The following TMEM178B variants were observed in gnomAD, a reference collection of about 807,000 sequenced individuals.
TMEM178B encodes transmembrane protein 178B.
A neutral mutation model predicts 31.0 loss-of-function variants in TMEM178B; 5 were observed. That is an observed-to-expected ratio of 0.16 (90% CI 0.08 to 0.34). TMEM178B has a LOEUF of 0.34. Ranked by LOEUF, TMEM178B falls within the 10% of genes least tolerant of loss-of-function variation. The pLI is 1.00. For missense variants in TMEM178B, 275 were observed against 400.3 expected (o/e 0.69, Z 2.67); for synonymous variants, 164 against 164.0 (o/e 1.00, Z 0.00).
chr7:141,464,547 T>G (rs574327329), intron 3 of TMEM178B, among the ~76,000 whole-genome samples: 1 of 152,328 alleles, frequency 6.6e-6, no homozygotes, highest in South Asian at 2.1e-4. Flanking sequence ...AAAAGCTTTT[T>G]ATTTTAGATT....
intron 1 of TMEM178B, among the ~76,000 whole-genome samples, chr7:141,113,635 C>T (rs575281271): frequency 2.6e-5 from 4 of 152,292 alleles, no homozygotes; most frequent in South Asian, 2.1e-4. Flanking sequence ...GAGCTCCTTC[C>T]GTGCATCTGT....
chr7:141,361,145 G>A (rs1249913543), intron 2 of TMEM178B, among the ~76,000 whole-genome samples: 2 of 152,182 alleles, frequency 1.3e-5, no homozygotes, highest in Admixed American at 6.5e-5. Flanking sequence ...AAGCAGTCTG[G>A]TATTTCAAGA....
At chr7:141,324,062 C>T (rs890778121) in intron 2 of TMEM178B, among the ~76,000 whole-genome samples, 3 of 151,894 alleles carry the variant, frequency 2.0e-5, no homozygotes, top group Non-Finnish European at 4.4e-5. Flanking sequence ...GGTCAGTGAA[C>T]GTGCAATAGA....
At chr7:141,195,519 C>G (rs1796767730) in intron 1 of TMEM178B, among the ~76,000 whole-genome samples, 1 of 152,188 alleles carries the variant, frequency 6.6e-6, no homozygotes, top group Non-Finnish European at 1.5e-5. Flanking sequence ...CCTTATTGTT[C>G]ATATCACTAT....
At chr7:141,142,075 A>G (rs746305242) in intron 1 of TMEM178B, among the ~76,000 whole-genome samples, 4 of 152,106 alleles carry the variant, frequency 2.6e-5, no homozygotes, top group Non-Finnish European at 4.4e-5. Flanking sequence ...CCTGTCTCCA[A>G]TGTCTATTGT....
intron 1 of TMEM178B, among the ~76,000 whole-genome samples, chr7:141,086,993 T>C (rs2129171746): frequency 6.6e-6 from 1 of 152,286 alleles, no homozygotes; most frequent in East Asian, 1.9e-4. Context: ...TGGCCTGATA[T>C]TTTGTTTTTT....
chr7:141,172,031 A>G (rs986187641), intron 1 of TMEM178B, among the ~76,000 whole-genome samples: 1 of 152,146 alleles, frequency 6.6e-6, no homozygotes, highest in African/African-American at 2.4e-5. Context: ...TGCTTGATAC[A>G]TGGTTTCTGT....
the TMEM178B span, among the ~76,000 whole-genome samples, chr7:141,497,073 T>C: frequency 2.0e-5 from 3 of 151,808 alleles, no homozygotes; most frequent in Non-Finnish European, 4.4e-5. Context: ...CAACCAGTTT[T>C]GCTCTTGAAG....
chr7:141,347,260 A>G (rs181917856), intron 2 of TMEM178B, among the ~76,000 whole-genome samples: 118 of 152,318 alleles, frequency 7.7e-4, no homozygotes, highest in Non-Finnish European at 1.4e-3. Flanking sequence ...CTTGCACCAT[A>G]AGGAATCTTC....
chr7:141,138,118 G>C (rs1477607274), intron 1 of TMEM178B, among the ~76,000 whole-genome samples: 1 of 150,554 alleles, frequency 6.6e-6, no homozygotes, highest in African/African-American at 2.5e-5. Context: ...CTGGAGTGCA[G>C]TGGCGCCATC....
intron 2 of TMEM178B, among the ~76,000 whole-genome samples, chr7:141,366,476 T>C (rs1463377296): frequency 6.6e-6 from 1 of 152,220 alleles, no homozygotes; most frequent in Non-Finnish European, 1.5e-5. Flanking sequence ...TTAAGGCCTC[T>C]TTGTTTCTGA....
intron 3 of TMEM178B, among the ~76,000 whole-genome samples, chr7:141,451,504 G>C (rs950735807): frequency 6.6e-6 from 1 of 152,136 alleles, no homozygotes; most frequent in African/African-American, 2.4e-5. Context: ...TGATTCTGAA[G>C]CCAGGGCTTT....
chr7:141,332,756 C>G (rs1799318486), intron 2 of TMEM178B, among the ~76,000 whole-genome samples: 1 of 152,226 alleles, frequency 6.6e-6, no homozygotes, highest in Admixed American at 6.5e-5. Flanking sequence ...TATTGCCCAT[C>G]TCACCTGGAA....
At chr7:141,428,299 C>T (rs537195479) in intron 2 of TMEM178B, among the ~76,000 whole-genome samples, 11 of 132,008 alleles carry the variant, frequency 8.3e-5, no homozygotes, top group South Asian at 2.7e-4. Flanking sequence ...ACCTGGGAGG[C>T]GGAGGTTGTG....
At position 141,164,065 on chromosome 7, in the gene TMEM178B, A is replaced by G. The variant is rs566802197; in HGVS notation, c.383-48526A>G. On this transcript the variant is annotated intron_variant, in intron 1 of 3. Coordinates refer to ENST00000565468, the MANE Select transcript of TMEM178B (RefSeq NM_001195278.2). ...TTTTAGGTTATTAGTGACCGTAACT[A>G]CTGAAACCTTATTTTTTTCTGAATA... Among the ~76,000 whole-genome samples, 4 of 152,296 alleles carry G rather than the reference A, an allele frequency of 2.6e-5. No individual in the cohort carries two copies. In the South Asian group the frequency reaches 8.3e-4, roughly 32 times the overall value.
intron 2 of TMEM178B, among the ~76,000 whole-genome samples, chr7:141,396,817 A>G (rs1312797687): frequency 1.3e-5 from 2 of 152,196 alleles, no homozygotes; most frequent in African/African-American, 2.4e-5. Flanking sequence ...AGACAAAGTG[A>G]TAATGGAGCT....
intron 1 of TMEM178B, among the ~76,000 whole-genome samples, chr7:141,191,035 C>T (rs1023528705): frequency 1.3e-5 from 2 of 152,196 alleles, no homozygotes; most frequent in African/African-American, 4.8e-5. Context: ...CATTATAATA[C>T]TGATGAGAAA....
At chr7:141,207,522 G>T (rs890608708) in intron 1 of TMEM178B, among the ~76,000 whole-genome samples, 5 of 152,062 alleles carry the variant, frequency 3.3e-5, no homozygotes, top group African/African-American at 9.7e-5. Flanking sequence ...GTTTCAATTC[G>T]CATTTCCCTG....
intron 3 of TMEM178B, among the ~76,000 whole-genome samples, chr7:141,439,692 A>T (rs974957475): frequency 1.3e-5 from 2 of 152,194 alleles, no homozygotes; most frequent in Non-Finnish European, 2.9e-5. Context: ...CTAAGGCTCT[A>T]GAGAGGTCTC....
Sources: allele counts gnomAD v4.1 joint callset (sites outside exome capture counted in the v4.1 genomes callset), GRCh38; gene constraint gnomAD v4.1.1; transcripts MANE v1.5; gene names NCBI Gene and HGNC (gene_info 2026-07-23, HGNC 2026-07-21).